Variants in CHI3L1 observed in about 807,000 individuals in gnomAD.
CHI3L1 encodes chitinase 3 like 1.
CHI3L1 carries 30 observed loss-of-function variants against 40.7 expected under a neutral mutation model. The observed-to-expected ratio is 0.74, with a 90% CI of 0.55 to 1.00. CHI3L1 has a LOEUF of 1.00. CHI3L1 is among the 50% of genes least tolerant of loss of function. The probability of loss-of-function intolerance (pLI) is 0.00; values close to 1 mark genes in which losing one functional copy is unlikely to be tolerated. For missense variants in CHI3L1, 493 were observed against 492.2 expected, an observed-to-expected ratio of 1.00 and a Z score of -0.01; for synonymous variants, 210 against 192.1, an observed-to-expected ratio of 1.09 and a Z score of -0.77.
chr1:203,183,848 G>T lies in CHI3L1; in HGVS notation c.315-57C>A, dbSNP rs1655999690. ...AGCACTGATATGCTAGGTGCCTTGG[G>T]CCTCTGGTGGGGTTTCCAGGACCTG... On this transcript the variant is annotated intron_variant, in intron 4 of 9. Coordinates refer to ENST00000255409, the MANE Select transcript of CHI3L1 (RefSeq NM_001276.4). The T allele has an allele frequency of 1.9e-5, 31 of 1,598,432 alleles. No homozygotes were observed. In the South Asian group the frequency reaches 3.3e-4, roughly 17 times the overall value.
Position 203,183,958 on chromosome 1 carries a change from C to T in CHI3L1, c.315-167G>A, listed in dbSNP as rs142982301. Among the ~76,000 whole-genome samples, 362 of 152,308 alleles carry T rather than the reference C, an allele frequency of 2.4e-3. 2 individuals carry two copies. The highest frequency in any genetic ancestry group is 4.8e-3 in the Non-Finnish European group (324 of 68,032). ...CTCCAGGCATGCATGTGCCTTAGAG[C>T]CAGGCATTCCAGGTTTCCAAGTCTG... On this transcript the variant is annotated intron_variant, in intron 4 of 9. Transcript: ENST00000255409.
chr1:203,186,323 G>A lies in CHI3L1; in HGVS notation c.48C>T (p.Leu16=). Residue 16 remains leucine (L), a synonymous_variant, in exon 2 of 10, where the codon CTC becomes CTT. Coordinates refer to ENST00000255409, the MANE Select transcript of CHI3L1 (RefSeq NM_001276.4). ...SQTGFVVLVL[L]QCCSAYKLVC... ...GGTGGAGGGATTACTCACAGCACTGGAGCAGCACCAGGACCACAAAGCCTG... is the reference window on the plus strand; with the variant it reads ...GGTGGAGGGATTACTCACAGCACTGAAGCAGCACCAGGACCACAAAGCCTG... 1 of 1,591,132 alleles carries A rather than the reference G, an allele frequency of 6.3e-7. No individual in the cohort carries two copies. The highest frequency in any genetic ancestry group is 1.1e-5 in the South Asian group (1 of 87,358).
In CHI3L1 at chr1:203,186,316, AG is replaced by A; in HGVS notation, c.54del (p.Cys19AlafsTer43). 1 of 1,588,810 alleles carries A rather than the reference AG, an allele frequency of 6.3e-7. No individual in the cohort carries two copies. The highest frequency in any genetic ancestry group is 8.6e-7 in the Non-Finnish European group (1 of 1,166,572). On this transcript the variant is annotated frameshift_variant and splice_region_variant, in exon 2 of 10. Coordinates refer to ENST00000255409, the MANE Select transcript of CHI3L1 (RefSeq NM_001276.4). LOFTEE classifies it high-confidence loss of function. ...AAGTGGAGGTGGAGGGATTACTCAC[AG>A]CACTGGAGCAGCACCAGGACCACAA... ...TGFVVLVLLQCCSAYKLVCYY... is the reference protein window; with the variant it reads ...TGFVVLVLLQXCSAYKLVCYY...
At position 203,181,179 on chromosome 1, in the gene CHI3L1, C is replaced by T. The variant is rs1225461482; in HGVS notation, c.694G>A (p.Asp232Asn). 1.4e-5 allele frequency: 22 copies of T among 1,614,008 alleles called. No individual in the cohort carries two copies. The East Asian group carries it at 4.7e-4, about 34-fold the overall frequency. The change falls in exon 7 of 10, where the codon GAC becomes AAC. Residue 232 changes from aspartate (D) to asparagine (N), a missense_variant. Coordinates refer to ENST00000255409, the MANE Select transcript of CHI3L1 (RefSeq NM_001276.4). ...LFRGQEDASP[D>N]RFSNTDYAVG... is the part of the protein sequence containing the mutation. The stretch of plus-strand genomic sequence containing the variant: ...GAACTCACAGTGTTGCTGAATCTGT[C>T]AGGACTTGCATCCTCCTGACCTCGG...
intron 7 of CHI3L1, 76 bp from the exon 8 acceptor site, chr1:203,180,728 C>T (rs1655918518): frequency 1.8e-6 from 2 of 1,108,430 alleles, no homozygotes; most frequent in Non-Finnish European, 2.6e-6. Context: ...ATACTGCTGC[C>T]TTAGCAGGGG....
Position 203,182,765 on chromosome 1 carries a change from T to A in CHI3L1, c.553A>T (p.Ile185Phe). The A allele has an allele frequency of 6.2e-7, 1 of 1,614,174 alleles. No individual in the cohort carries two copies. Among genetic ancestry groups the A allele is most frequent in the Non-Finnish European group, 8.5e-7 (1 of 1,180,024 alleles). The change falls in exon 6 of 10, where the codon ATT (isoleucine) becomes TTT (phenylalanine). Residue 185 changes from isoleucine to phenylalanine, a missense_variant. Coordinates refer to ENST00000255409, the MANE Select transcript of CHI3L1 (RefSeq NM_001276.4). ...TTGGCAATGTCATAGCTGCTGTCAA[T>A]GGTGACCTTCCCCGCAGACAGTGCT... is the stretch of plus-strand genomic sequence containing the variant. ...SAALSAGKVT[I>F]DSSYDIAKIS...
chr1:203,184,465 C>T, intron 4 of CHI3L1, 111 bp downstream of exon 4: 1 of 853,440 alleles, frequency 1.2e-6, no homozygotes, highest in Non-Finnish European at 2.0e-6. Context: ...GGCCTTGTAC[C>T]TATCTAGTCT....
At position 203,185,224 on chromosome 1, in the gene CHI3L1, C is replaced by T; in HGVS notation, c.217G>A (p.Asp73Asn). The T allele has an allele frequency of 1.2e-6, 2 of 1,614,202 alleles. No homozygotes were observed. Among genetic ancestry groups the T allele is most frequent in the Non-Finnish European group, 1.7e-6 (2 of 1,180,028 alleles). The change falls in exon 3 of 10, where the codon GAT becomes AAT. Residue 73 changes from aspartate to asparagine, a missense_variant. Asp to Asn is a conservative substitution (Grantham distance 23). Transcript: ENST00000255409. ...NDHIDTWEWN[D>N]VTLYGMLNTL... ...TTGAGCATGCCGTAGAGCGTCACAT[C>T]ATTCCACTCCCAGGTGTCGATGTGA...
chr1:203,181,395 G>A, intron 6 of CHI3L1, 110 bp from the exon 7 acceptor site: 1 of 1,226,224 alleles, frequency 8.2e-7, no homozygotes, highest in Non-Finnish European at 1.1e-6. Flanking sequence ...GGCCGAGGCA[G>A]GTGGATCATG....
Position 203,183,680 on chromosome 1 carries a change from A to G in CHI3L1, c.426T>C (p.Pro142=), listed in dbSNP as rs1655994485. 1 of 1,614,072 alleles carries G rather than the reference A, an allele frequency of 6.2e-7. No individual in the cohort carries two copies. Among genetic ancestry groups the G allele is most frequent in the Non-Finnish European group, 8.5e-7 (1 of 1,180,030 alleles). ...FDGLDLAWLY[P]GRRDKQHFTT... ...TAAAATGCTGTTTGTCTCTCCGTCC[A>G]GGGTAGAGCCAGGCAAGGTCCAGCC... is the stretch of plus-strand genomic sequence containing the variant. The change falls in exon 5 of 10, where the codon CCT becomes CCC. Residue 142 remains proline, a synonymous_variant. Coordinates refer to ENST00000255409, the MANE Select transcript of CHI3L1 (RefSeq NM_001276.4).
intron 7 of CHI3L1, 72 bp downstream of exon 7, chr1:203,181,090 T>C: frequency 6.3e-7 from 1 of 1,575,924 alleles, no homozygotes; most frequent in Non-Finnish European, 8.7e-7. Flanking sequence ...GCTAGAGAGA[T>C]TGGTGTGTGA....
intron 8 of CHI3L1, 64 bp downstream of exon 8, chr1:203,180,406 G>T: frequency 7.1e-7 from 1 of 1,404,722 alleles, no homozygotes; most frequent in Non-Finnish European, 9.6e-7. Context: ...ACGTGGTGGG[G>T]AATCACCTTC....
intron 9 of CHI3L1, 85 bp downstream of exon 9, chr1:203,179,676 C>G (rs1406122533): frequency 2.5e-6 from 4 of 1,613,978 alleles, no homozygotes; most frequent in Non-Finnish European, 3.4e-6. Context: ...GCCCAGACCT[C>G]AGTGCAAGGG....
Position 203,180,552 on chromosome 1 carries a change from T to A in CHI3L1, c.812A>T (p.Glu271Val), listed in dbSNP as rs775586820. The A allele has an allele frequency of 6.2e-7, 1 of 1,610,814 alleles. No individual in the cohort carries two copies. Among genetic ancestry groups the A allele is most frequent in the South Asian group, 1.1e-5 (1 of 90,564 alleles). The change falls in exon 8 of 10, where the codon GAG becomes GTG. Residue 271 changes from glutamate to valine, a missense_variant. Physicochemically the swap from Glu to Val is moderately radical, Grantham distance 121 (BLOSUM62 -2). Transcript: ENST00000255409. ...TGAGATTGGGGCTCCAACACCAGTC[T>A]CAGAAGAAGCCAGAGTGAAGCTCCT... ...FGRSFTLASSETGVGAPISGP... is the reference protein window; with the variant it reads ...FGRSFTLASSVTGVGAPISGP...
chr1:203,180,925 GC>G (rs1655922350), intron 7 of CHI3L1, among the ~76,000 whole-genome samples: 1 of 152,136 alleles, frequency 6.6e-6, no homozygotes, highest in Non-Finnish European at 1.5e-5. Flanking sequence ...TACCTCCTCG[GC>G]TCCCAGCCTC....
intron 3 of CHI3L1, among the ~76,000 whole-genome samples, 192 bp from the exon 4 acceptor site, chr1:203,184,824 C>T (rs1656021783): frequency 6.6e-6 from 1 of 152,280 alleles, no homozygotes; most frequent in Admixed American, 6.5e-5. Flanking sequence ...TGAGGGGTCA[C>T]AGGCTTCATG....
At position 203,185,250 on chromosome 1, in the gene CHI3L1, T is replaced by TC; in HGVS notation, c.190dup (p.Asp64GlyfsTer10). ...ATTCCACTCCCAGGTGTCGATGTGATCGTTGCTTATATTGGCAAAGCTGTA... is the reference window on the plus strand; with the variant it reads ...ATTCCACTCCCAGGTGTCGATGTGATCCGTTGCTTATATTGGCAAAGCTGTA... On this transcript the variant is annotated frameshift_variant, in exon 3 of 10. Transcript: ENST00000255409. LOFTEE classifies it high-confidence loss of function. 6.2e-7 allele frequency: 1 copy of TC among 1,614,194 alleles called. No individual in the cohort carries two copies. Among genetic ancestry groups the TC allele is most frequent in the South Asian group, 1.1e-5 (1 of 91,088 alleles).
In CHI3L1 at chr1:203,180,489, C is replaced by T. The variant is rs1420589390; in HGVS notation, c.875G>A (p.Gly292Glu). ...CATTACCTCATAGTAGGCAAGGGTC[C>T]CTGCCTCCTTGGTGAACCGGCCTGG... ...GIPGRFTKEAGTLAYYEICDF... is the reference protein window; with the variant it reads ...GIPGRFTKEAETLAYYEICDF... The change falls in exon 8 of 10, where the codon GGG becomes GAG. Residue 292 changes from glycine (G) to glutamate (E), a missense_variant. Gly to Glu is a moderately conservative substitution (Grantham distance 98). Transcript: ENST00000255409. 1 of 1,596,108 alleles carries T rather than the reference C, an allele frequency of 6.3e-7. No homozygotes were observed. Among genetic ancestry groups the T allele is most frequent in the Non-Finnish European group, 8.5e-7 (1 of 1,173,466 alleles).
chr1:203,186,222 A>G, intron 2 of CHI3L1, 94 bp downstream of exon 2: 1 of 1,375,516 alleles, frequency 7.3e-7, no homozygotes, highest in Non-Finnish European at 1.0e-6. Flanking sequence ...AGAACCTGGC[A>G]AAGTGTTCCC....
Sources: gnomAD v4.1 joint callset for allele counts (sites outside exome capture counted in the v4.1 genomes callset) on GRCh38, gnomAD v4.1.1 for gene constraint, MANE v1.5 for transcripts, NCBI Gene and HGNC (gene_info 2026-07-23, HGNC 2026-07-21) for gene names.